Variants in SERGEF observed in about 807,000 individuals in gnomAD.
SERGEF encodes secretion-regulating guanine nucleotide exchange factor.
SERGEF carries 51 observed loss-of-function variants against 50.0 expected under a neutral mutation model. That is an observed-to-expected ratio of 1.02 (90% confidence interval 0.81 to 1.29). The LOEUF (loss-of-function observed/expected upper bound fraction) is 1.29, where lower values mean the gene tolerates loss of function less well. Among genes scored for constraint, SERGEF ranks in the 50% most tolerant of loss-of-function variants. The pLI is 0.00. For missense variants in SERGEF, 521 were observed against 557.0 expected (o/e 0.94, Z 0.65); for synonymous variants, 205 against 212.4 (o/e 0.97, Z 0.30).
At chr11:17,900,189 C>T (rs949135586) in intron 9 of SERGEF, among the ~76,000 whole-genome samples, 1 of 152,156 alleles carries the variant, frequency 6.6e-6, no homozygotes, top group Middle Eastern at 3.2e-3. Flanking sequence ...GAGTTTGAAT[C>T]CTGGCTCTGC....
intron 9 of SERGEF, among the ~76,000 whole-genome samples, chr11:17,916,206 C>T (rs117236390): frequency 2.3e-4 from 35 of 152,302 alleles, no homozygotes; most frequent in Non-Finnish European, 4.3e-4. Context: ...GTAGTAAATA[C>T]ATCGCTCTAT....
intron 10 of SERGEF, among the ~76,000 whole-genome samples, chr11:17,789,649 G>T (rs1006778886): frequency 6.6e-6 from 1 of 152,182 alleles, no homozygotes; most frequent in African/African-American, 2.4e-5. Flanking sequence ...GGACAATATG[G>T]ATGTGTAAGG....
intron 9 of SERGEF, among the ~76,000 whole-genome samples, chr11:17,929,976 G>A (rs1042575710): frequency 1.2e-4 from 18 of 152,288 alleles, no homozygotes; most frequent in Admixed American, 3.3e-4. Context: ...AGTAGGATTC[G>A]ATACATATTC....
chr11:17,868,635 T>C (rs1851075973), intron 10 of SERGEF, among the ~76,000 whole-genome samples: 1 of 152,164 alleles, frequency 6.6e-6, no homozygotes, highest in Non-Finnish European at 1.5e-5. Context: ...ATTTACTGTA[T>C]TAGTCCATTT....
chr11:17,928,569 C>T (rs970915133), intron 9 of SERGEF, among the ~76,000 whole-genome samples: 2 of 151,790 alleles, frequency 1.3e-5, no homozygotes, highest in Non-Finnish European at 2.9e-5. Flanking sequence ...TAGTGGCCTG[C>T]ACATAGAAGT....
At chr11:17,928,921 A>G (rs1852299443) in intron 9 of SERGEF, among the ~76,000 whole-genome samples, 2 of 152,204 alleles carry the variant, frequency 1.3e-5, no homozygotes, top group Non-Finnish European at 2.9e-5. Flanking sequence ...ATTCTTTTCT[A>G]GAAACTAGAT....
chr11:17,966,592 G>A (rs1272957719), intron 8 of SERGEF, among the ~76,000 whole-genome samples: 1 of 152,150 alleles, frequency 6.6e-6, no homozygotes, highest in Non-Finnish European at 1.5e-5. Context: ...CAAAAATAAA[G>A]CATGCACTCT....
intron 9 of SERGEF, among the ~76,000 whole-genome samples, chr11:17,892,778 A>T (rs1851557202): frequency 6.6e-6 from 1 of 152,146 alleles, no homozygotes; most frequent in South Asian, 2.1e-4. Flanking sequence ...TGTGAAGGAG[A>T]ACACACACTA....
chr11:17,920,117 C>T (rs988643995), intron 9 of SERGEF, among the ~76,000 whole-genome samples: 2 of 148,354 alleles, frequency 1.3e-5, no homozygotes, highest in Non-Finnish European at 3.0e-5. Context: ...CATGGTGGCA[C>T]GCGCCTGTAG....
chr11:18,012,490 C>A, intron 1 of SERGEF: 1 of 1,091,824 alleles, frequency 9.2e-7, no homozygotes, highest in Non-Finnish European at 1.1e-6. Context: ...GGCCAAACAC[C>A]GCAGGCCTCA....
chr11:17,842,823 G>T (rs1006272666), intron 10 of SERGEF, among the ~76,000 whole-genome samples: 6 of 152,348 alleles, frequency 3.9e-5, no homozygotes, highest in African/African-American at 1.2e-4. Context: ...TTCTAGGACT[G>T]AAACAGCTGG....
chr11:18,007,680 G>A (rs941558627), intron 2 of SERGEF, among the ~76,000 whole-genome samples: 15 of 152,020 alleles, frequency 9.9e-5, no homozygotes, highest in Non-Finnish European at 1.6e-4. Context: ...GTGATGTTAA[G>A]CAATCAGTGT....
At chr11:17,929,965 T>C (rs1055618245) in intron 9 of SERGEF, among the ~76,000 whole-genome samples, 13 of 152,176 alleles carry the variant, frequency 8.5e-5, no homozygotes, top group African/African-American at 2.9e-4. Flanking sequence ...GGCTAGAATA[T>C]AGTAGGATTC....
intron 10 of SERGEF, chr11:17,846,824 A>G (rs1186089309): frequency 2.2e-6 from 1 of 452,444 alleles, no homozygotes; most frequent in Admixed American, 2.4e-5. Context: ...TGTAGCAGGT[A>G]TATAATAGAT....
At chr11:17,938,846 G>A (rs1474156298) in intron 9 of SERGEF, among the ~76,000 whole-genome samples, 2 of 152,166 alleles carry the variant, frequency 1.3e-5, no homozygotes, top group Non-Finnish European at 2.9e-5. Context: ...TTCCTCACCA[G>A]AGGAGAGAGG....
chr11:17,953,627 T>C (rs1043657588), intron 9 of SERGEF, among the ~76,000 whole-genome samples: 1 of 152,206 alleles, frequency 6.6e-6, no homozygotes, highest in South Asian at 2.1e-4. Context: ...CCAAAACCAT[T>C]ACTTTCATTC....
chr11:17,942,292 G>A (rs1010889036), intron 9 of SERGEF, among the ~76,000 whole-genome samples: 1 of 152,052 alleles, frequency 6.6e-6, no homozygotes, highest in Non-Finnish European at 1.5e-5. Flanking sequence ...TCCCAGCAGT[G>A]TTTTGTAGTT....
Position 17,884,214 on chromosome 11 carries a change from A to G in SERGEF, c.1012-5970T>C, listed in dbSNP as rs377139879. 1.6e-4 allele frequency among the ~76,000 whole-genome samples: 25 copies of G among 152,328 alleles called. No homozygotes were observed. The highest frequency in any genetic ancestry group is 1.4e-3 in the East Asian group (7 of 5,182). Reference sequence around the variant, plus strand: ...CTATGGCAACGAGGCGTACGTGCGGAAACACATGATGGCCAGGGTGGAAGG... The same window carrying G: ...CTATGGCAACGAGGCGTACGTGCGGGAACACATGATGGCCAGGGTGGAAGG... On this transcript the variant is annotated intron_variant, in intron 9 of 10. Transcript: ENST00000265965. The surrounding 1 kb of genome is among the most constrained non-coding windows in gnomAD (Gnocchi z 4.6).
At chr11:17,924,936 G>T (rs1214871704) in intron 9 of SERGEF, among the ~76,000 whole-genome samples, 2 of 152,170 alleles carry the variant, frequency 1.3e-5, no homozygotes, top group African/African-American at 4.8e-5. Context: ...AGAGGTCACA[G>T]TCACCACTGA....
Sources: gnomAD v4.1 joint callset for allele counts (sites outside exome capture counted in the v4.1 genomes callset) on GRCh38, gnomAD v4.1.1 for gene constraint, Gnocchi (gnomAD v3.1) non-coding constraint, MANE v1.5 for transcripts, NCBI Gene and HGNC (gene_info 2026-07-23, HGNC 2026-07-21) for gene names.